KIF5C: variants seen among roughly 807,000 people sequenced by gnomAD.
KIF5C encodes the protein kinesin heavy chain isoform 5C.
A neutral mutation model predicts 125.2 loss-of-function variants in KIF5C; 18 were observed. The ratio of observed to expected loss-of-function variants is 0.14; its 90% CI spans 0.10 to 0.21. The LOEUF (loss-of-function observed/expected upper bound fraction) is 0.21, where lower values mean the gene tolerates loss of function less well. Among genes scored for constraint, KIF5C ranks in the 10% least tolerant of loss-of-function variants. The pLI, the probability that KIF5C is intolerant of heterozygous loss-of-function variation, is 1.00. For synonymous variants in KIF5C, 405 were observed against 434.0 expected, an observed-to-expected ratio of 0.93 and a Z score of 0.83; for missense variants, 780 against 1,183.8, an observed-to-expected ratio of 0.66 and a Z score of 5.01.
At chr2:148,914,702 G>C (rs1177586010) in intron 1 of KIF5C, among the ~76,000 whole-genome samples, 1 of 151,046 alleles carries the variant, frequency 6.6e-6, no homozygotes, top group African/African-American at 2.5e-5. Flanking sequence ...CCTTGGCTTT[G>C]GCCGGAACTG....
chr2:148,920,145 G>C (rs1012407319), intron 1 of KIF5C, among the ~76,000 whole-genome samples: 1 of 152,096 alleles, frequency 6.6e-6, no homozygotes, highest in Non-Finnish European at 1.5e-5. Context: ...CATTTTGTCT[G>C]CTGTATTAAG....
In KIF5C at chr2:149,005,401, A is replaced by T; in HGVS notation, c.2382A>T (p.Glu794Asp). The change falls in exon 22 of 26, where the codon GAA becomes GAT. Residue 794 changes from glutamate to aspartate, a missense_variant. By Grantham distance (45) the Glu-to-Asp change is conservative. This residue lies in a region of KIF5C where 573 missense variants were observed against 742.6 expected (regional missense o/e 0.77). Coordinates refer to ENST00000435030, the MANE Select transcript of KIF5C (RefSeq NM_004522.3). The stretch of plus-strand genomic sequence containing the variant: ...TTAAAAATCTCTTCCAGTCTAGAGA[A>T]TTGCAGACACTGCACAACCTTCGGA... ...LKGLEETVSR[E>D]LQTLHNLRKL... The T allele has an allele frequency of 1.9e-6, 3 of 1,613,762 alleles. No homozygotes were observed. The highest frequency in any genetic ancestry group is 2.5e-6 in the Non-Finnish European group (3 of 1,179,814).
chr2:148,950,635 C>T (rs940960092), intron 10 of KIF5C, among the ~76,000 whole-genome samples, 173 bp downstream of exon 10: 6 of 152,066 alleles, frequency 3.9e-5, no homozygotes, highest in Non-Finnish European at 7.4e-5. Context: ...ATGGTGAAAC[C>T]CTGTCTCTAC....
In KIF5C at chr2:148,983,570, T is replaced by G; in HGVS notation, c.1570-50T>G. 2.0e-6 allele frequency: 3 copies of G among 1,496,576 alleles called. 1 individual carries two copies. In the South Asian group the frequency reaches 4.2e-5, roughly 21 times the overall value. 92.7% of individuals were successfully genotyped at this position (1,496,576 alleles called of 1,614,324 possible). ...GTTATTCTTTGTAATGTGGAGTGTA[T>G]GAAATTGATGGGCAACCCTTTGAAT... is the stretch of plus-strand genomic sequence containing the variant. On this transcript the variant is annotated intron_variant, in intron 14 of 25. Transcript: ENST00000435030.
intron 25 of KIF5C, among the ~76,000 whole-genome samples, chr2:149,022,282 C>A (rs887372545): frequency 6.6e-6 from 1 of 152,078 alleles, no homozygotes; most frequent in African/African-American, 2.4e-5. Context: ...TCAACAGATA[C>A]CGACTTATGG....
intron 25 of KIF5C, among the ~76,000 whole-genome samples, chr2:149,014,823 C>T (rs573915494): frequency 3.3e-5 from 5 of 152,186 alleles, no homozygotes; most frequent in Non-Finnish European, 5.9e-5. Context: ...TAAATCCTGG[C>T]GACTGGATAG....
intron 1 of KIF5C, chr2:148,886,171 C>T (rs1236491575): frequency 1.3e-5 from 2 of 152,218 alleles, no homozygotes; most frequent in African/African-American, 4.8e-5. Context: ...AAATGCCAAT[C>T]TGGTCAGTAT....
At chr2:148,915,006 G>T (rs1359858799) in intron 1 of KIF5C, among the ~76,000 whole-genome samples, 1 of 152,222 alleles carries the variant, frequency 6.6e-6, no homozygotes, top group Non-Finnish European at 1.5e-5. Flanking sequence ...CCAGGTATGG[G>T]ATGTTTTGCC....
intron 23 of KIF5C, among the ~76,000 whole-genome samples, chr2:149,008,480 A>T (rs1682078223): frequency 6.6e-6 from 1 of 152,160 alleles, no homozygotes; most frequent in South Asian, 2.1e-4. Context: ...AGATGGGGAA[A>T]CAGACTGGTG....
intron 25 of KIF5C, among the ~76,000 whole-genome samples, chr2:149,016,602 C>T (rs567525315): frequency 3.3e-5 from 5 of 152,252 alleles, no homozygotes; most frequent in Non-Finnish European, 5.9e-5. Flanking sequence ...CAGGGAAAAT[C>T]GGGGGATGAG....
intron 3 of KIF5C, 48 bp downstream of exon 3, chr2:148,929,402 G>C (rs1421856119): frequency 1.6e-6 from 2 of 1,250,514 alleles, no homozygotes; most frequent in African/African-American, 1.5e-5. Flanking sequence ...TGACTGAATG[G>C]AACTGACGTT....
chr2:148,941,732 C>A (rs150330416), intron 5 of KIF5C, 74 bp downstream of exon 5: 19 of 1,520,528 alleles, frequency 1.2e-5, no homozygotes, highest in Non-Finnish European at 1.6e-5. Flanking sequence ...GTTTATCACA[C>A]TTCTGCTTAA....
chr2:148,976,770 G>A (rs1472763808), intron 12 of KIF5C, among the ~76,000 whole-genome samples: 1 of 150,710 alleles, frequency 6.6e-6, no homozygotes, highest in Non-Finnish European at 1.5e-5. Context: ...TTGTAGAGAC[G>A]GAGATTTGCC....
At chr2:148,993,617 GT>G (rs1681585144) in intron 16 of KIF5C, among the ~76,000 whole-genome samples, 1 of 152,286 alleles carries the variant, frequency 6.6e-6, no homozygotes, top group African/African-American at 2.4e-5. Flanking sequence ...TTCTGGAGAG[GT>G]TATTTCATTA....
At chr2:148,961,597 G>A (rs1235422040) in intron 10 of KIF5C, among the ~76,000 whole-genome samples, 1 of 152,178 alleles carries the variant, frequency 6.6e-6, no homozygotes, top group East Asian at 1.9e-4. Context: ...GGTAAATCTG[G>A]TGATGGTATG....
At chr2:149,004,254 T>C (rs1227659117) in intron 21 of KIF5C, among the ~76,000 whole-genome samples, 5 of 152,236 alleles carry the variant, frequency 3.3e-5, no homozygotes, top group Non-Finnish European at 7.3e-5. Context: ...ACTTAGTGTT[T>C]CCGTAGCTTT....
chr2:149,006,793 C>T (rs574793654), intron 22 of KIF5C, among the ~76,000 whole-genome samples: 10 of 152,218 alleles, frequency 6.6e-5, no homozygotes, highest in South Asian at 6.2e-4. Context: ...GAGAGTGAAG[C>T]CAGAGCAAAG....
chr2:149,017,564 C>A (rs375743893), intron 25 of KIF5C, among the ~76,000 whole-genome samples: 105 of 152,284 alleles, frequency 6.9e-4, no homozygotes, highest in African/African-American at 2.4e-3. Context: ...GGGACTTGTT[C>A]AAATGTCTCC....
intron 1 of KIF5C, among the ~76,000 whole-genome samples, chr2:148,918,475 G>C (rs1681649979): frequency 6.6e-6 from 1 of 152,216 alleles, no homozygotes; most frequent in South Asian, 2.1e-4. Flanking sequence ...TAATGTAATA[G>C]AGAGTGATAC....
Sources: gnomAD v4.1 joint callset for allele counts (sites outside exome capture counted in the v4.1 genomes callset) on GRCh38, gnomAD v4.1.1 for gene constraint, gnomAD v4.1.1 regional missense constraint, MANE v1.5 for transcripts, NCBI Gene and HGNC (gene_info 2026-07-23, HGNC 2026-07-21) for gene names.